Variants in RNF130 observed in about 807,000 individuals in gnomAD.
RNF130 encodes the protein E3 ubiquitin-protein ligase RNF130.
RNF130 carries 21 observed loss-of-function variants against 44.6 expected under a neutral mutation model. The ratio of observed to expected loss-of-function variants is 0.47; its 90% confidence interval spans 0.33 to 0.68. RNF130 has a LOEUF of 0.68. RNF130 is among the 30% of genes least tolerant of loss of function. The pLI is 0.02. For synonymous variants in RNF130, 214 were observed against 210.4 expected, an observed-to-expected ratio of 1.02 and a Z score of -0.15; for missense variants, 479 against 560.6, an observed-to-expected ratio of 0.85 and a Z score of 1.47.
rs1762193344 is a variant in RNF130 at position 179,955,543 on chromosome 5, T to C, written c.*111A>G. Reference sequence around the variant, plus strand: ...TGGCATTAGCAATTTTATGAAAAAATAAAATGTACTAAAAATAAATGCTTG... The same window carrying C: ...TGGCATTAGCAATTTTATGAAAAAACAAAATGTACTAAAAATAAATGCTTG... On this transcript the variant is annotated 3_prime_UTR_variant, in exon 9 of 9. Coordinates refer to ENST00000521389, the MANE Select transcript of RNF130 (RefSeq NM_018434.6). 4 of 885,188 alleles carry C rather than the reference T, an allele frequency of 4.5e-6. No homozygotes were observed. The highest frequency in any genetic ancestry group is 6.9e-6 in the Non-Finnish European group (4 of 576,052). The allele number at this position is 885,188 out of a possible 1,614,324, so 54.8% of individuals were successfully genotyped here.
chr5:179,969,572 T>C (rs1364256472), intron 6 of RNF130, among the ~76,000 whole-genome samples: 2 of 152,020 alleles, frequency 1.3e-5, no homozygotes, highest in African/African-American at 4.8e-5. Flanking sequence ...AAGCACCCTT[T>C]TAAAAGTGGA....
intron 8 of RNF130, 61 bp downstream of exon 8, chr5:179,963,410 G>C (rs1762375252): frequency 1.5e-6 from 2 of 1,312,062 alleles, no homozygotes; most frequent in Non-Finnish European, 2.2e-6. Flanking sequence ...CATGAAAACT[G>C]CTCCATGTGT....
In RNF130 at chr5:179,914,341, C is replaced by T. The variant is rs1213976458; in HGVS notation, c.*5976G>A. The T allele has an allele frequency of 3.3e-5, 5 of 152,372 alleles. No homozygotes were observed. The East Asian group carries it at 7.7e-4, about 23-fold the overall frequency. The allele number at this position is 152,372 out of a possible 1,614,324, so 9.4% of individuals were successfully genotyped here. A position where few individuals can be genotyped will look rare whatever the true frequency, so the allele number is the denominator to read the frequency against. On this transcript the variant is annotated 3_prime_UTR_variant, in exon 8 of 8. Coordinates refer to the RNF130 transcript ENST00000522208. ...CTTTAGTCACATTAAACTCTGCTTC[C>T]GGGTGACACTGAACACACGAGAGGA...
chr5:180,011,278 T>C (rs780559763), intron 3 of RNF130, among the ~76,000 whole-genome samples: 2 of 152,232 alleles, frequency 1.3e-5, no homozygotes, highest in African/African-American at 2.4e-5. Context: ...AAGGTCATTA[T>C]TGAGCCAGTT....
intron 2 of RNF130, among the ~76,000 whole-genome samples, chr5:180,023,543 A>T (rs1763920386): frequency 6.6e-6 from 1 of 152,156 alleles, no homozygotes; most frequent in Non-Finnish European, 1.5e-5. Context: ...CTAAACCAAA[A>T]CAAAAAAACA....
intron 2 of RNF130, among the ~76,000 whole-genome samples, chr5:180,022,992 C>A (rs1160291720): frequency 1.3e-5 from 2 of 152,166 alleles, no homozygotes; most frequent in African/African-American, 2.4e-5. Flanking sequence ...CTCTAAAAGA[C>A]CTTCAAATCT....
At chr5:179,959,641 A>G (rs1375747094) in intron 8 of RNF130, among the ~76,000 whole-genome samples, 3 of 152,016 alleles carry the variant, frequency 2.0e-5, no homozygotes, top group Admixed American at 1.3e-4. Context: ...AAAAAAAAAG[A>G]GTACTGAGCA....
intron 3 of RNF130, among the ~76,000 whole-genome samples, chr5:179,986,837 C>G (rs1026667552): frequency 6.6e-6 from 1 of 152,034 alleles, no homozygotes; most frequent in African/African-American, 2.4e-5. Flanking sequence ...TTTCTGTGAT[C>G]TCTTCAATTT....
chr5:180,071,551 G>C lies in RNF130; in HGVS notation c.152C>G (p.Pro51Arg), dbSNP rs2113202410. The change falls in exon 1 of 9, where the codon CCG (proline) becomes CGG (arginine). Residue 51 changes from proline (P) to arginine (R), a missense_variant. By Grantham distance (103) the Pro-to-Arg change is moderately radical. Coordinates refer to ENST00000521389, the MANE Select transcript of RNF130 (RefSeq NM_018434.6). Reference protein sequence around the residue: ...VTVQEPGRGAPLTFRIDRGRY... With the variant: ...VTVQEPGRGARLTFRIDRGRY... ...CCCGCGGTCGATGCGAAACGTGAGC[G>C]GGGCGCCGCGGCCGGGCTCCTGCAC... is the stretch of plus-strand genomic sequence containing the variant. 8 of 1,420,550 alleles carry C rather than the reference G, an allele frequency of 5.6e-6. No individual in the cohort carries two copies. Among genetic ancestry groups the C allele is most frequent in the East Asian group, 2.8e-5 (1 of 35,972 alleles). The allele number at this position is 1,420,550 out of a possible 1,614,324, so 88.0% of individuals were successfully genotyped here. A position where few individuals can be genotyped will look rare whatever the true frequency, so the allele number is the denominator to read the frequency against.
In RNF130 at chr5:179,955,519, G is replaced by T; in HGVS notation, c.*135C>A. The T allele has an allele frequency of 1.5e-6, 1 of 659,584 alleles. No homozygotes were observed. Among genetic ancestry groups the T allele is most frequent in the Non-Finnish European group, 2.6e-6 (1 of 390,798 alleles). The allele number at this position is 659,584 out of a possible 1,614,324, so 40.9% of individuals were successfully genotyped here. ...TTTATTTCTTTTAATACAAAGCTTT[G>T]GCATTAGCAATTTTATGAAAAAATA... On this transcript the variant is annotated 3_prime_UTR_variant, in exon 9 of 9. Coordinates refer to ENST00000521389, the MANE Select transcript of RNF130 (RefSeq NM_018434.6).
chr5:179,985,966 CT>C (rs1762942241), intron 3 of RNF130, among the ~76,000 whole-genome samples: 2 of 152,232 alleles, frequency 1.3e-5, no homozygotes, highest in Admixed American at 6.5e-5. Context: ...GCTACTTCTC[CT>C]GTTATCTTGT....
intron 8 of RNF130, among the ~76,000 whole-genome samples, chr5:179,957,440 A>G (rs1466870432): frequency 6.6e-6 from 1 of 152,194 alleles, no homozygotes; most frequent in Non-Finnish European, 1.5e-5. Context: ...AAGCAAAATA[A>G]TAACCACTGC....
intron 7 of RNF130, 75 bp downstream of exon 7, chr5:179,966,731 T>C: frequency 7.4e-7 from 1 of 1,354,894 alleles, no homozygotes. Context: ...GGCGAGTGCC[T>C]TGACTCTCCT....
At chr5:179,985,539 T>A (rs534071571) in intron 3 of RNF130, among the ~76,000 whole-genome samples, 1 of 152,036 alleles carries the variant, frequency 6.6e-6, no homozygotes, top group South Asian at 2.1e-4. Context: ...AGGGGCATTA[T>A]CCAATATCAA....
At chr5:179,971,618 C>T (rs973372360) in intron 5 of RNF130, among the ~76,000 whole-genome samples, 1 of 152,224 alleles carries the variant, frequency 6.6e-6, no homozygotes, top group Non-Finnish European at 1.5e-5. Flanking sequence ...ATCCGCCCGC[C>T]TCGGCCTCCC....
chr5:179,953,445 G>A (rs981922704), downstream of RNF130, among the ~76,000 whole-genome samples: 1 of 152,026 alleles, frequency 6.6e-6, no homozygotes, highest in Admixed American at 6.5e-5. Flanking sequence ...GAAACCAATG[G>A]AAGAATTCAG....
intron 2 of RNF130, among the ~76,000 whole-genome samples, chr5:180,020,489 C>T (rs1176876947): frequency 6.6e-6 from 1 of 152,168 alleles, no homozygotes; most frequent in East Asian, 1.9e-4. Context: ...ACCTGAACCT[C>T]CTGCCATGCG....
intron 8 of RNF130, among the ~76,000 whole-genome samples, chr5:179,959,082 C>G (rs967481112): frequency 2.6e-5 from 4 of 152,152 alleles, no homozygotes; most frequent in Non-Finnish European, 4.4e-5. Flanking sequence ...ACTGGTTAGT[C>G]AACATGAGGC....
At chr5:180,007,395 A>G (rs746349247) in intron 3 of RNF130, among the ~76,000 whole-genome samples, 1 of 152,146 alleles carries the variant, frequency 6.6e-6, no homozygotes, top group Non-Finnish European at 1.5e-5. Flanking sequence ...AGTGAGACCC[A>G]GTCTCAAAAA....
Sources: gnomAD v4.1 joint callset for allele counts (sites outside exome capture counted in the v4.1 genomes callset) on GRCh38, gnomAD v4.1.1 for gene constraint, MANE v1.5 for transcripts, NCBI Gene and HGNC (gene_info 2026-07-23, HGNC 2026-07-21) for gene names.